The following PHACTR1 variants were observed in gnomAD, a reference collection of about 807,000 sequenced individuals.
PHACTR1 encodes the protein RPEL repeat containing 1.
Under a neutral mutation model 69.2 loss-of-function variants are expected in PHACTR1, and 16 were observed. The observed-to-expected ratio is 0.23, with a 90% CI of 0.16 to 0.35. PHACTR1 has a LOEUF of 0.35. Among genes scored for constraint, PHACTR1 ranks in the 10% least tolerant of loss-of-function variants. The pLI is 1.00. For missense variants in PHACTR1, 510 were observed against 734.7 expected, an observed-to-expected ratio of 0.69 and a Z score of 3.54; for synonymous variants, 312 against 284.5, an observed-to-expected ratio of 1.10 and a Z score of -0.97.
intron 4 of PHACTR1, among the ~76,000 whole-genome samples, chr6:12,770,275 G>A (rs1034596169): frequency 1.1e-4 from 17 of 152,336 alleles, no homozygotes; most frequent in African/African-American, 4.1e-4. Flanking sequence ...CAGACCCTGT[G>A]TAGACACTAT....
chr6:13,086,083 T>TAAAAAAAAAAA (rs776154642), intron 5 of PHACTR1, among the ~76,000 whole-genome samples: 11 of 60,278 alleles, frequency 1.8e-4, no homozygotes, highest in African/African-American at 5.9e-4. Flanking sequence ...TACACATTTC[T>TAAAAAAAAAAA]AAAAAAAAAA....
Position 13,283,748 on chromosome 6 carries a change from C to T in PHACTR1, c.1650+186C>T, listed in dbSNP as rs554308411. 2.6e-4 allele frequency: 207 copies of T among 801,510 alleles called. No individual in the cohort carries two copies. Among genetic ancestry groups the T allele is most frequent in the Admixed American group, 1.3e-3 (51 of 39,560 alleles). 49.6% of individuals were successfully genotyped at this position (801,510 alleles called of 1,614,324 possible). Reference sequence around the variant, plus strand: ...ATAATCTGCGGAAAGGCTGCTGAATCGGAGAAAACACAAGGCACATAATAC... The same window carrying T: ...ATAATCTGCGGAAAGGCTGCTGAATTGGAGAAAACACAAGGCACATAATAC... On this transcript the variant is annotated intron_variant, in intron 13 of 14. Transcript: ENST00000332995. This position sits in a 1 kb window ranked among gnomAD's most constrained non-coding sequence, Gnocchi z 4.7.
chr6:13,109,425 AT>A (rs540907024), intron 5 of PHACTR1, among the ~76,000 whole-genome samples: 3 of 151,110 alleles, frequency 2.0e-5, no homozygotes, highest in African/African-American at 7.3e-5. Flanking sequence ...ATTATAGGTG[AT>A]TTTTTTTTCT....
intron 4 of PHACTR1, among the ~76,000 whole-genome samples, chr6:13,043,425 T>C (rs1804503702): frequency 6.7e-6 from 1 of 148,670 alleles, no homozygotes; most frequent in African/African-American, 2.5e-5. Flanking sequence ...AGATTACATC[T>C]CAAAAAAAAA....
chr6:13,114,860 A>C (rs1365803512), intron 5 of PHACTR1, among the ~76,000 whole-genome samples: 1 of 152,230 alleles, frequency 6.6e-6, no homozygotes, highest in Admixed American at 6.5e-5. Flanking sequence ...CTAAAACATC[A>C]TCACAATAAT....
intron 5 of PHACTR1, among the ~76,000 whole-genome samples, chr6:13,081,846 A>C (rs1285957129): frequency 6.6e-6 from 1 of 152,144 alleles, no homozygotes; most frequent in East Asian, 1.9e-4. Flanking sequence ...AAAAACAAGA[A>C]GTCAAAGGGA....
intron 4 of PHACTR1, among the ~76,000 whole-genome samples, chr6:12,937,971 A>G (rs1210495539): frequency 6.6e-6 from 1 of 152,174 alleles, no homozygotes; most frequent in East Asian, 1.9e-4. Context: ...ATGGTAGCAC[A>G]TGCCTGTAAT....
intron 12 of PHACTR1, chr6:13,281,502 C>T (rs901570251): frequency 6.4e-6 from 2 of 313,406 alleles, no homozygotes; most frequent in Non-Finnish European, 6.7e-6. Context: ...TGCAGTGAGC[C>T]GAGATCATTG....
intron 4 of PHACTR1, among the ~76,000 whole-genome samples, chr6:12,780,742 C>G (rs1770715616): frequency 6.6e-6 from 1 of 152,168 alleles, no homozygotes; most frequent in Admixed American, 6.5e-5. Context: ...AAAAGGCATC[C>G]AGGTACTGTT....
At chr6:12,923,314 G>T (rs1387144603) in intron 4 of PHACTR1, among the ~76,000 whole-genome samples, 1 of 152,158 alleles carries the variant, frequency 6.6e-6, no homozygotes, top group African/African-American at 2.4e-5. Context: ...GTATGATTGA[G>T]AATTTACTTT....
At chr6:12,807,683 T>A (rs1307132304) in intron 4 of PHACTR1, among the ~76,000 whole-genome samples, 2 of 152,210 alleles carry the variant, frequency 1.3e-5, no homozygotes, top group Admixed American at 6.5e-5. Flanking sequence ...GAACCCATCT[T>A]AAATTGTCCT....
chr6:12,899,387 C>G (rs7741958), intron 4 of PHACTR1, among the ~76,000 whole-genome samples: 8,587 of 152,156 alleles, frequency 0.056, 685 homozygotes, highest in African/African-American at 0.17. Flanking sequence ...GATATATCAG[C>G]CTTTTACCTG....
At chr6:12,851,105 C>G (rs1779784173) in intron 4 of PHACTR1, among the ~76,000 whole-genome samples, 1 of 152,176 alleles carries the variant, frequency 6.6e-6, no homozygotes, top group Admixed American at 6.5e-5. Flanking sequence ...CTGCCTCACC[C>G]TGATTCCACA....
At chr6:12,812,240 G>T (rs559116043) in intron 4 of PHACTR1, among the ~76,000 whole-genome samples, 12 of 152,170 alleles carry the variant, frequency 7.9e-5, no homozygotes, top group South Asian at 6.2e-4. Flanking sequence ...TATATAAATG[G>T]AATCATACAG....
chr6:13,175,725 A>G (rs578155940), intron 6 of PHACTR1, among the ~76,000 whole-genome samples: 30 of 152,310 alleles, frequency 2.0e-4, no homozygotes, highest in African/African-American at 7.2e-4. Context: ...GGGGCCCTCT[A>G]TTAGCACTCT....
chr6:12,882,812 T>C (rs1783233141), intron 4 of PHACTR1, among the ~76,000 whole-genome samples: 1 of 152,112 alleles, frequency 6.6e-6, no homozygotes, highest in South Asian at 2.1e-4. Context: ...GAAAAAATAA[T>C]ATTCTGTAAA....
chr6:12,750,707 G>T (rs1272134646), intron 4 of PHACTR1, among the ~76,000 whole-genome samples: 1 of 152,070 alleles, frequency 6.6e-6, no homozygotes, highest in Non-Finnish European at 1.5e-5. Context: ...CTCCTAACTC[G>T]ACTCTAGAGT....
At chr6:12,900,952 A>G (rs990504375) in intron 4 of PHACTR1, among the ~76,000 whole-genome samples, 1 of 152,034 alleles carries the variant, frequency 6.6e-6, no homozygotes, top group African/African-American at 2.4e-5. Flanking sequence ...TTTTTTACGA[A>G]GGGCAGTTGA....
At chr6:13,271,720 G>A (rs1043215912) in intron 10 of PHACTR1, among the ~76,000 whole-genome samples, 11 of 149,546 alleles carry the variant, frequency 7.4e-5, no homozygotes, top group Non-Finnish European at 1.2e-4. Flanking sequence ...AATATTTTCC[G>A]TCAGCAGTTG....
Sources: gnomAD v4.1 joint callset for allele counts (sites outside exome capture counted in the v4.1 genomes callset) on GRCh38, gnomAD v4.1.1 for gene constraint, Gnocchi (gnomAD v3.1) non-coding constraint, MANE v1.5 for transcripts, NCBI Gene and HGNC (gene_info 2026-07-23, HGNC 2026-07-21) for gene names.